FANCB: variants seen among roughly 807,000 people sequenced by gnomAD.
The protein encoded by FANCB is FA complementation group B.
In FANCB, 5 loss-of-function variants were observed where a neutral mutation model predicts 38.9. The ratio of observed to expected loss-of-function variants is 0.13; its 90% CI spans 0.07 to 0.27. FANCB has a LOEUF of 0.27. FANCB is among the 10% of genes least tolerant of loss of function. FANCB has a pLI of 1.00. For missense variants in FANCB, 573 were observed against 602.7 expected (o/e 0.95, Z 0.52); for synonymous variants, 236 against 215.4 (o/e 1.10, Z -0.84).
chrX:14,733,272 G>T, the FANCB span, among the ~76,000 whole-genome samples: 1 of 111,764 alleles, frequency 8.9e-6, no homozygotes, highest in South Asian at 3.7e-4. Flanking sequence ...GGTTACTGTA[G>T]CCTTGTAGTA....
chrX:14,872,507 G>A (rs2147468261), intron 1 of FANCB, among the ~76,000 whole-genome samples: 1 of 110,457 alleles, frequency 9.1e-6, no homozygotes, highest in Non-Finnish European at 1.9e-5. Context: ...TACACTGGAG[G>A]ATGTTTGGCA....
Position 14,850,518 on chromosome X carries a change from A to T in FANCB, c.1483T>A (p.Ser495Thr), listed in dbSNP as rs754933644. 1 of 1,199,617 alleles carries T rather than the reference A, an allele frequency of 8.3e-7. No individual in the cohort carries two copies. The highest frequency in any genetic ancestry group is 1.1e-6 in the Non-Finnish European group (1 of 884,610). Residue 495 changes from serine to threonine, a missense_variant, in exon 7 of 10, where the codon TCT (serine) becomes ACT (threonine). Physicochemically the swap from Ser to Thr is moderately conservative, Grantham distance 58. Coordinates refer to ENST00000650831, the MANE Select transcript of FANCB (RefSeq NM_001018113.3). ...DSLVVGVKTTSSLKLSLNDVT... is the reference protein window; with the variant it reads ...DSLVVGVKTTTSLKLSLNDVT... Reference sequence around the variant, plus strand: ...GAATTTACTTACAGCTTCAAAGAAGATGTAGTTTTCACTCCAACAACCAAG... The same window carrying T: ...GAATTTACTTACAGCTTCAAAGAAGTTGTAGTTTTCACTCCAACAACCAAG...
At chrX:14,753,505 G>A in the FANCB span, among the ~76,000 whole-genome samples, 8 of 112,053 alleles carry the variant, frequency 7.1e-5, no homozygotes, top group South Asian at 1.5e-3. Context: ...TCACTATTCC[G>A]TGGTTCAGCT....
the FANCB span, among the ~76,000 whole-genome samples, chrX:14,737,745 C>T: frequency 1.8e-5 from 2 of 112,572 alleles, no homozygotes; most frequent in Non-Finnish European, 3.8e-5. Context: ...AGCTTCACAA[C>T]GTCTAGCCTT....
the FANCB span, among the ~76,000 whole-genome samples, chrX:14,712,302 C>A: frequency 1.8e-5 from 2 of 111,746 alleles, no homozygotes; most frequent in Non-Finnish European, 3.8e-5. Flanking sequence ...AGTAAAACAC[C>A]CTCTCCCAGT....
the FANCB span, among the ~76,000 whole-genome samples, chrX:14,792,479 G>C: frequency 9.1e-6 from 1 of 110,065 alleles, no homozygotes; most frequent in Non-Finnish European, 1.9e-5. Flanking sequence ...CAGAGGCAGT[G>C]TTTCAAAATC....
chrX:14,767,541 T>A, the FANCB span, among the ~76,000 whole-genome samples: 3 of 111,863 alleles, frequency 2.7e-5, no homozygotes, highest in Non-Finnish European at 3.8e-5. Context: ...TGTTTTTTTT[T>A]TCTTGCAAAT....
At chrX:14,806,819 T>C in the FANCB span, among the ~76,000 whole-genome samples, 1 of 112,351 alleles carries the variant, frequency 8.9e-6, no homozygotes, top group Non-Finnish European at 1.9e-5. Context: ...TTAAAATGGA[T>C]ATACTTATTG....
the FANCB span, among the ~76,000 whole-genome samples, chrX:14,812,661 T>A: frequency 3.7e-5 from 4 of 108,043 alleles, no homozygotes; most frequent in Admixed American, 2.9e-4. Context: ...TCTGAAATTG[T>A]GGCAATAATC....
chrX:14,815,583 A>T, the FANCB span, among the ~76,000 whole-genome samples: 2 of 112,466 alleles, frequency 1.8e-5, no homozygotes, highest in Non-Finnish European at 3.8e-5. Context: ...GTAAATTAGT[A>T]CAACCTCTAT....
chrX:14,794,758 G>A, the FANCB span, among the ~76,000 whole-genome samples: 6 of 112,074 alleles, frequency 5.4e-5, no homozygotes, highest in African/African-American at 1.9e-4. Context: ...CAGTAGGTGG[G>A]CTCATCCAGA....
At chrX:14,749,584 A>G in the FANCB span, among the ~76,000 whole-genome samples, 368 of 112,176 alleles carry the variant, frequency 3.3e-3, 1 homozygote, top group African/African-American at 0.011. Context: ...ATAAATTATT[A>G]AAAAAGTAAT....
the FANCB span, among the ~76,000 whole-genome samples, chrX:14,742,173 C>T: frequency 5.4e-5 from 6 of 111,616 alleles, no homozygotes; most frequent in South Asian, 1.5e-3. Context: ...GTGACATGGC[C>T]CATATTACTT....
downstream of FANCB, among the ~76,000 whole-genome samples, chrX:14,831,290 G>C (rs1315284930): frequency 3.6e-5 from 4 of 112,589 alleles, no homozygotes; most frequent in Admixed American, 9.4e-5. Context: ...CCGCCTAAAA[G>C]GAAGTTAGAG....
chrX:14,861,665 C>A (rs943142602), intron 3 of FANCB, among the ~76,000 whole-genome samples: 2 of 111,519 alleles, frequency 1.8e-5, no homozygotes, highest in African/African-American at 3.3e-5. Context: ...AGAAAAAAAT[C>A]TTTTCCCTTG....
chrX:14,801,038 CG>C, the FANCB span, among the ~76,000 whole-genome samples: 11 of 109,455 alleles, frequency 1.0e-4, no homozygotes, highest in East Asian at 2.0e-3. Flanking sequence ...TAGAAATTAC[CG>C]AAGCAGAAGC....
the FANCB span, among the ~76,000 whole-genome samples, chrX:14,814,392 T>A: frequency 8.9e-6 from 1 of 112,074 alleles, no homozygotes; most frequent in Admixed American, 9.4e-5. Flanking sequence ...ACAGGCAACC[T>A]ACAGAATGGG....
chrX:14,717,979 C>T, the FANCB span, among the ~76,000 whole-genome samples: 2 of 110,841 alleles, frequency 1.8e-5, no homozygotes, highest in African/African-American at 6.6e-5. Context: ...CTGAGAATGT[C>T]GTCGGGTACG....
At chrX:14,698,820 G>A in the FANCB span, among the ~76,000 whole-genome samples, 1 of 108,751 alleles carries the variant, frequency 9.2e-6, no homozygotes, top group African/African-American at 3.4e-5. Flanking sequence ...AACAAGAGCA[G>A]ATCATCTCCC....
Sources: allele counts gnomAD v4.1 joint callset (sites outside exome capture counted in the v4.1 genomes callset), GRCh38; gene constraint gnomAD v4.1.1; transcripts MANE v1.5; gene names NCBI Gene and HGNC (gene_info 2026-07-23, HGNC 2026-07-21).